WT1: variants seen among roughly 807,000 people sequenced by gnomAD.
WT1 encodes the protein WT1 transcription factor, also known as Wilms tumor protein.
In WT1, 8 loss-of-function variants were observed where a neutral mutation model predicts 60.8. That is an observed-to-expected ratio of 0.13 (90% confidence interval 0.08 to 0.24). The LOEUF (loss-of-function observed/expected upper bound fraction) is 0.24. WT1 is among the 10% of genes least tolerant of loss of function. The pLI is 1.00. For synonymous variants in WT1, 312 were observed against 297.1 expected, an observed-to-expected ratio of 1.05 and a Z score of -0.52; for missense variants, 568 against 711.8, an observed-to-expected ratio of 0.80 and a Z score of 2.30.
chr11:32,420,879 T>C (rs1852832746), intron 3 of WT1, among the ~76,000 whole-genome samples: 2 of 152,178 alleles, frequency 1.3e-5, no homozygotes, highest in South Asian at 4.1e-4. Context: ...TCCTGATAGC[T>C]TAGCCTGCAA....
At chr11:32,411,940 C>G (rs1336091165) in intron 5 of WT1, among the ~76,000 whole-genome samples, 1 of 152,140 alleles carries the variant, frequency 6.6e-6, no homozygotes, top group Non-Finnish European at 1.5e-5. Flanking sequence ...AAATTAATAA[C>G]TTGTTGCTGG....
rs1852610333 is a variant in WT1, at chr11:32,414,729, C to T, written c.1016+1761G>A. On this transcript the variant is annotated intron_variant, in intron 5 of 9. Transcript: ENST00000452863. ...CTCTACCAAAAATACAAAAATTAAC[C>T]AGGTATGGTGGCAGATGCCTGTAAT... Among the ~76,000 whole-genome samples, 5 of 152,046 alleles carry T rather than the reference C, an allele frequency of 3.3e-5. 1 individual carries two copies. The South Asian group carries it at 1.0e-3, about 32-fold the overall frequency.
At chr11:32,428,762 C>T in intron 1 of WT1, 143 bp from the exon 2 acceptor site, 2 of 1,388,050 alleles carry the variant, frequency 1.4e-6, no homozygotes, top group Non-Finnish European at 2.0e-6. Context: ...GCCCCACAAG[C>T]CTCCAGGACT....
chr11:32,391,342 G>A (rs1343833968), intron 9 of WT1, among the ~76,000 whole-genome samples: 19 of 152,120 alleles, frequency 1.2e-4, no homozygotes, highest in Admixed American at 6.6e-5. Context: ...AAATATTAAC[G>A]CTCTTTCCAA....
intron 5 of WT1, among the ~76,000 whole-genome samples, chr11:32,405,222 C>T (rs1214599236): frequency 2.0e-5 from 3 of 152,164 alleles, no homozygotes; most frequent in South Asian, 2.1e-4. Flanking sequence ...GAGGCAGCCA[C>T]GACTCAGCTC....
chr11:32,428,098 A>G, intron 2 of WT1, 40 bp from the exon 3 acceptor site: 1 of 1,546,492 alleles, frequency 6.5e-7, no homozygotes, highest in Non-Finnish European at 8.8e-7. Flanking sequence ...AGTGCGCCCC[A>G]AGGGCTCGGG....
intron 5 of WT1, among the ~76,000 whole-genome samples, chr11:32,412,685 C>A (rs1242532461): frequency 8.3e-6 from 1 of 120,872 alleles, no homozygotes; most frequent in Non-Finnish European, 1.7e-5. Context: ...CAGAAAGATT[C>A]CCCAGCAACG....
intron 5 of WT1, among the ~76,000 whole-genome samples, chr11:32,407,338 AT>A (rs1852345715): frequency 6.6e-6 from 1 of 152,206 alleles, no homozygotes. Context: ...GCACATGAAG[AT>A]TAATAAAAAG....
At chr11:32,425,759 T>C (rs937856024) in intron 3 of WT1, among the ~76,000 whole-genome samples, 1 of 152,228 alleles carries the variant, frequency 6.6e-6, no homozygotes. Context: ...ATAGTATTTT[T>C]ATTGGATTTG....
At chr11:32,391,370 CA>C (rs1851812430) in intron 9 of WT1, among the ~76,000 whole-genome samples, 1 of 152,204 alleles carries the variant, frequency 6.6e-6, no homozygotes, top group South Asian at 2.1e-4. Flanking sequence ...AAATATGCAA[CA>C]AAGGTGGTGC....
intron 3 of WT1, among the ~76,000 whole-genome samples, chr11:32,421,398 T>C (rs1852849478): frequency 6.6e-6 from 1 of 152,208 alleles, no homozygotes; most frequent in Non-Finnish European, 1.5e-5. Context: ...GCTCCAACCG[T>C]CTAACTCTGC....
At chr11:32,390,393 C>T (rs1295896918) in intron 9 of WT1, among the ~76,000 whole-genome samples, 1 of 152,110 alleles carries the variant, frequency 6.6e-6, no homozygotes, top group Non-Finnish European at 1.5e-5. Flanking sequence ...GTGTGACAGC[C>T]GTGTCAAAGG....
Position 32,417,562 on chromosome 11 carries a change from T to G in WT1, c.965+15A>C. The stretch of plus-strand genomic sequence containing the variant: ...AAGTTACTGTGGAAAGGCAATGGAA[T>G]AGAGAAAACCTTACCCCTTTAAGGT... On this transcript the variant is annotated intron_variant, in intron 4 of 9. Transcript: ENST00000452863. 1 of 1,609,914 alleles carries G rather than the reference T, an allele frequency of 6.2e-7. No individual in the cohort carries two copies. The highest frequency in any genetic ancestry group is 1.7e-5 in the Admixed American group (1 of 60,026).
At chr11:32,422,485 C>A (rs1214965256) in intron 3 of WT1, among the ~76,000 whole-genome samples, 1 of 152,190 alleles carries the variant, frequency 6.6e-6, no homozygotes, top group Non-Finnish European at 1.5e-5. Context: ...AGGCAGTGTA[C>A]AATGTACATA....
intron 3 of WT1, among the ~76,000 whole-genome samples, chr11:32,427,617 C>T (rs1184569844): frequency 6.6e-6 from 1 of 152,200 alleles, no homozygotes; most frequent in Non-Finnish European, 1.5e-5. Flanking sequence ...GTCTCAGAAC[C>T]GAGTGGGAGT....
intron 5 of WT1, among the ~76,000 whole-genome samples, chr11:32,410,813 G>A (rs1429036700): frequency 6.6e-6 from 1 of 152,138 alleles, no homozygotes; most frequent in Non-Finnish European, 1.5e-5. Flanking sequence ...GCTTTTAATA[G>A]AAAAACTCCT....
rs1040197479 is a variant in WT1 at position 32,431,115 on chromosome 11, C to G, written c.662-2496G>C. On this transcript the variant is annotated intron_variant, in intron 1 of 9. Transcript: ENST00000452863. Reference sequence around the variant, plus strand: ...AGACGCGCTCTGTGCCCTCCTCCCCCGCCGGCGGCTGCAGAGAAGCCGGGA... The same window carrying G: ...AGACGCGCTCTGTGCCCTCCTCCCCGGCCGGCGGCTGCAGAGAAGCCGGGA... Among the ~76,000 whole-genome samples, 6 of 152,164 alleles carry G rather than the reference C, an allele frequency of 3.9e-5. 1 individual carries two copies. Among genetic ancestry groups the G allele is most frequent in the Admixed American group, 6.5e-5 (1 of 15,288 alleles).
At chr11:32,422,958 T>C (rs1328469747) in intron 3 of WT1, among the ~76,000 whole-genome samples, 1 of 152,176 alleles carries the variant, frequency 6.6e-6, no homozygotes, top group Non-Finnish European at 1.5e-5. Flanking sequence ...TCAAACGCAG[T>C]GCACAGAACT....
chr11:32,422,157 G>A (rs1378199471), intron 3 of WT1, among the ~76,000 whole-genome samples: 1 of 152,208 alleles, frequency 6.6e-6, no homozygotes, highest in Non-Finnish European at 1.5e-5. Context: ...TTTGCAGCCT[G>A]CCTGCCTAGA....
Sources: gnomAD v4.1 joint callset for allele counts (sites outside exome capture counted in the v4.1 genomes callset) on GRCh38, gnomAD v4.1.1 for gene constraint, MANE v1.5 for transcripts, NCBI Gene and HGNC (gene_info 2026-07-23, HGNC 2026-07-21) for gene names.